PCCB: variants seen among roughly 807,000 people sequenced by gnomAD.
PCCB encodes the protein propionyl-CoA carboxylase subunit beta.
Under a neutral mutation model 60.7 loss-of-function variants are expected in PCCB, and 43 were observed. The ratio of observed to expected loss-of-function variants is 0.71; its 90% CI spans 0.55 to 0.91. The LOEUF (loss-of-function observed/expected upper bound fraction) is 0.91. PCCB is among the 40% of genes least tolerant of loss of function. The pLI, the probability that PCCB is intolerant of heterozygous loss-of-function variation, is 0.00. For synonymous variants in PCCB, 276 were observed against 255.9 expected (o/e 1.08, Z -0.75); for missense variants, 766 against 702.8 (o/e 1.09, Z -1.02).
rs1057523611 is a variant in PCCB at position 136,250,399 on chromosome 3, G to T, written c.24G>T (p.Ala8=). ...AAATGGCGGCGGCATTACGGGTGGC[G>T]GCGGTCGGGGCAAGGCTCAGCGTTC... MAAALRV[A]AVGARLSVLA... is the part of the protein sequence containing the mutation. Residue 8 remains alanine (A), a synonymous_variant, in exon 1 of 15, where the codon GCG becomes GCT. Transcript: ENST00000251654. 10 of 1,540,626 alleles carry T rather than the reference G, an allele frequency of 6.5e-6. 1 individual carries two copies. In the Admixed American group the frequency reaches 2.0e-4, roughly 31 times the overall value.
intron 7 of PCCB, among the ~76,000 whole-genome samples, chr3:136,295,873 A>C (rs764119745): frequency 2.0e-5 from 3 of 151,788 alleles, no homozygotes; most frequent in African/African-American, 7.3e-5. Context: ...AAAGTAATGA[A>C]TGTCTGCCCA....
intron 5 of PCCB, among the ~76,000 whole-genome samples, chr3:136,268,087 G>GATATAGATATATATATAT (rs1313121628): frequency 9.6e-5 from 9 of 93,794 alleles, no homozygotes; most frequent in African/African-American, 3.2e-4. Flanking sequence ...TGTGTGTGTA[G>GATATAGATATATATATAT]ATATATATAT....
At chr3:136,252,136 C>T (rs961351753) in intron 1 of PCCB, among the ~76,000 whole-genome samples, 8 of 151,728 alleles carry the variant, frequency 5.3e-5, no homozygotes, top group Non-Finnish European at 1.0e-4. Context: ...CCCACCTTGG[C>T]GTCCCAAAGT....
intron 5 of PCCB, among the ~76,000 whole-genome samples, chr3:136,262,389 G>C (rs1226700978): frequency 7.2e-5 from 11 of 152,156 alleles, no homozygotes; most frequent in Admixed American, 3.3e-4. Flanking sequence ...AAAATGAACT[G>C]ATGTGCTTGA....
At chr3:136,259,221 CT>C in intron 3 of PCCB, 2 of 1,281,644 alleles carry the variant, frequency 1.6e-6, no homozygotes, top group Non-Finnish European at 2.1e-6. Context: ...CATCTCAGCA[CT>C]TTGGGAGGCC....
At chr3:136,253,995 T>A (rs905495319) in intron 1 of PCCB, among the ~76,000 whole-genome samples, 1 of 152,024 alleles carries the variant, frequency 6.6e-6, no homozygotes, top group African/African-American at 2.4e-5. Context: ...CAAGTTGGTT[T>A]CCTAAAAACT....
chr3:136,299,465 T>C (rs1934105442), intron 8 of PCCB, among the ~76,000 whole-genome samples: 1 of 151,290 alleles, frequency 6.6e-6, no homozygotes, highest in Non-Finnish European at 1.5e-5. Flanking sequence ...CATGTGTATG[T>C]ATAGGTATGC....
At chr3:136,295,136 C>T (rs1190242006) in intron 7 of PCCB, among the ~76,000 whole-genome samples, 1 of 152,156 alleles carries the variant, frequency 6.6e-6, no homozygotes, top group Non-Finnish European at 1.5e-5. Context: ...AATGGATTAC[C>T]TACCACACAG....
intron 5 of PCCB, among the ~76,000 whole-genome samples, chr3:136,262,459 T>A (rs1034457739): frequency 2.6e-5 from 4 of 152,176 alleles, no homozygotes; most frequent in Admixed American, 6.5e-5. Context: ...ACTACAGGAT[T>A]ATTAAATAAA....
intron 8 of PCCB, among the ~76,000 whole-genome samples, chr3:136,298,378 T>A (rs1052409652): frequency 6.6e-6 from 1 of 152,136 alleles, no homozygotes; most frequent in Non-Finnish European, 1.5e-5. Flanking sequence ...AGATTCAAGT[T>A]TTTTTTGGTC....
chr3:136,315,159 T>C (rs1348476168), intron 9 of PCCB, among the ~76,000 whole-genome samples: 1 of 152,190 alleles, frequency 6.6e-6, no homozygotes, highest in Non-Finnish European at 1.5e-5. Flanking sequence ...TGATCCTGGC[T>C]CAGGTTCTGG....
chr3:136,318,911 CT>C (rs1465619306), intron 10 of PCCB, among the ~76,000 whole-genome samples: 1 of 152,144 alleles, frequency 6.6e-6, no homozygotes, highest in Non-Finnish European at 1.5e-5. Context: ...TCAGTTTTCA[CT>C]TTTTCTGGGT....
intron 5 of PCCB, among the ~76,000 whole-genome samples, chr3:136,279,534 A>G (rs980041333): frequency 2.6e-5 from 4 of 152,152 alleles, no homozygotes; most frequent in African/African-American, 7.2e-5. Context: ...TTAGTAGTAC[A>G]TAGACATACT....
intron 8 of PCCB, among the ~76,000 whole-genome samples, chr3:136,300,325 C>T (rs1322128233): frequency 2.6e-5 from 4 of 152,312 alleles, no homozygotes; most frequent in Non-Finnish European, 4.4e-5. Context: ...AGGAGTACGT[C>T]TCAGGGTCAC....
At chr3:136,298,402 A>G (rs995475820) in intron 8 of PCCB, among the ~76,000 whole-genome samples, 1 of 152,198 alleles carries the variant, frequency 6.6e-6, no homozygotes, top group African/African-American at 2.4e-5. Context: ...CCTAGTCCCC[A>G]TGAAGAAGTC....
intron 9 of PCCB, among the ~76,000 whole-genome samples, chr3:136,310,580 C>G (rs1934624951): frequency 6.6e-6 from 1 of 152,090 alleles, no homozygotes; most frequent in South Asian, 2.1e-4. Flanking sequence ...CCTTTAAGGG[C>G]CAAATAGTCC....
chr3:136,287,814 A>C (rs1370095379), intron 6 of PCCB, among the ~76,000 whole-genome samples: 1 of 152,228 alleles, frequency 6.6e-6, no homozygotes, highest in Admixed American at 6.5e-5. Context: ...TTGCCATTGC[A>C]AATGATGCTG....
chr3:136,327,301 A>G (rs748369753), intron 12 of PCCB, 46 bp downstream of exon 12: 7 of 1,451,820 alleles, frequency 4.8e-6, no homozygotes, highest in Non-Finnish European at 4.8e-6. Flanking sequence ...ACTTTCCTAC[A>G]GCATAGCCGT....
intron 5 of PCCB, among the ~76,000 whole-genome samples, chr3:136,279,956 G>A (rs566447122): frequency 1.2e-4 from 19 of 152,308 alleles, no homozygotes; most frequent in East Asian, 3.9e-4. Context: ...GTGAGCCACC[G>A]CGCCCGGCCT....
Sources: allele counts gnomAD v4.1 joint callset (sites outside exome capture counted in the v4.1 genomes callset), GRCh38; gene constraint gnomAD v4.1.1; transcripts MANE v1.5; gene names NCBI Gene and HGNC (gene_info 2026-07-23, HGNC 2026-07-21).